Variants in ARHGEF33 observed in about 807,000 individuals in gnomAD.
ARHGEF33 encodes the protein Rho guanine nucleotide exchange factor 33, also known as DH and coiled-coil domain-containing protein ENSP00000381780.
A neutral mutation model predicts 101.9 loss-of-function variants in ARHGEF33; 72 were observed. The observed-to-expected ratio is 0.71, with a 90% CI of 0.58 to 0.86. The LOEUF is 0.86. ARHGEF33 is among the 40% of genes least tolerant of loss of function. The pLI, the probability that ARHGEF33 is intolerant of heterozygous loss-of-function variation, is 0.00. For missense variants in ARHGEF33, 1,169 were observed against 1,111.3 expected (o/e 1.05, Z -0.74); for synonymous variants, 499 against 442.5 (o/e 1.13, Z -1.60).
chr2:38,963,331 C>T (rs1479972563), intron 16 of ARHGEF33, among the ~76,000 whole-genome samples: 1 of 152,190 alleles, frequency 6.6e-6, no homozygotes, highest in Non-Finnish European at 1.5e-5. Flanking sequence ...CCCAGCCCAG[C>T]AGAGCTAGCC....
chr2:38,940,099 T>C (rs568093253), intron 9 of ARHGEF33, among the ~76,000 whole-genome samples: 1 of 152,332 alleles, frequency 6.6e-6, no homozygotes, highest in East Asian at 1.9e-4. Flanking sequence ...CAAGTGGTCT[T>C]ATATGGGTAT....
At chr2:38,958,818 A>G (rs887309925) in intron 15 of ARHGEF33, among the ~76,000 whole-genome samples, 4 of 152,128 alleles carry the variant, frequency 2.6e-5, no homozygotes, top group Admixed American at 1.3e-4. Context: ...ACTAGCTGGG[A>G]TTACAGGCAC....
intron 16 of ARHGEF33, 43 bp downstream of exon 16, chr2:38,960,691 A>T: frequency 1.5e-6 from 2 of 1,307,346 alleles, no homozygotes; most frequent in Admixed American, 3.1e-5. Context: ...CGACGGCCCC[A>T]GGCCTAGATC....
chr2:38,935,834 G>A lies in ARHGEF33; in HGVS notation c.565G>A (p.Gly189Arg). The A allele has an allele frequency of 6.5e-7, 1 of 1,549,188 alleles. No homozygotes were observed. Among genetic ancestry groups the A allele is most frequent in the Non-Finnish European group, 8.7e-7 (1 of 1,144,544 alleles). ...TAATGTAAAAGGAATGATGGGTCCTGGTAAGTGACTCTTCTCTTAGTTTTC... is the reference window on the plus strand; with the variant it reads ...TAATGTAAAAGGAATGATGGGTCCTAGTAAGTGACTCTTCTCTTAGTTTTC... Reference protein sequence around the residue: ...DSNVKGMMGPGVNPTTPEAEE... With the variant: ...DSNVKGMMGPRVNPTTPEAEE... Residue 189 changes from glycine (G) to arginine (R), a missense_variant and splice_region_variant, in exon 8 of 18, where the codon GGA becomes AGA. Transcript: ENST00000409978.
At chr2:38,959,699 C>G (rs779294187) in intron 15 of ARHGEF33, 142 bp from the exon 16 acceptor site, 1 of 899,238 alleles carries the variant, frequency 1.1e-6, no homozygotes, top group Non-Finnish European at 1.6e-6. Flanking sequence ...TTCGTGGGAG[C>G]GCCTTAGTGG....
intron 2 of ARHGEF33, among the ~76,000 whole-genome samples, chr2:38,902,399 T>C (rs1185226990): frequency 6.6e-6 from 1 of 152,180 alleles, no homozygotes; most frequent in East Asian, 1.9e-4. Flanking sequence ...AATCACCATA[T>C]GTATATAAGA....
intron 3 of ARHGEF33, among the ~76,000 whole-genome samples, 171 bp downstream of exon 3, chr2:38,919,643 C>G (rs1666712742): frequency 6.6e-6 from 1 of 152,098 alleles, no homozygotes; most frequent in African/African-American, 2.4e-5. Context: ...ATAGGAAATG[C>G]TATTAGAATT....
chr2:38,963,275 A>G (rs1285822007), intron 16 of ARHGEF33, among the ~76,000 whole-genome samples: 2 of 152,342 alleles, frequency 1.3e-5, no homozygotes, highest in East Asian at 3.9e-4. Context: ...TGAGATGTGC[A>G]AAACTCCTAG....
chr2:38,937,946 C>T (rs1206027460), intron 9 of ARHGEF33, among the ~76,000 whole-genome samples: 1 of 152,150 alleles, frequency 6.6e-6, no homozygotes, highest in African/African-American at 2.4e-5. Flanking sequence ...CTCCTTTTTC[C>T]CTCCCTCCTT....
rs1345779945 is a variant in ARHGEF33, at chr2:38,959,947, C to G, written c.1642C>G (p.Arg548Gly). The change falls in exon 16 of 18, where the codon CGG becomes GGG. Residue 548 changes from arginine (R) to glycine (G), a missense_variant. Transcript: ENST00000409978. ...DWELEGRKHE[R>G]PESLLAPTQF... ...GGAGCTGGAGGGCAGGAAGCACGAG[C>G]GGCCCGAGAGCCTTCTGGCACCGAC... is the stretch of plus-strand genomic sequence containing the variant. 2 of 1,551,544 alleles carry G rather than the reference C, an allele frequency of 1.3e-6. No homozygotes were observed. Among genetic ancestry groups the G allele is most frequent in the Non-Finnish European group, 1.7e-6 (2 of 1,146,894 alleles).
At chr2:38,890,590 A>T (rs908963891) in intron 1 of ARHGEF33, among the ~76,000 whole-genome samples, 1 of 152,224 alleles carries the variant, frequency 6.6e-6, no homozygotes, top group African/African-American at 2.4e-5. Flanking sequence ...AGTTTCACTT[A>T]AACATTGTCT....
intron 15 of ARHGEF33, 74 bp from the exon 16 acceptor site, chr2:38,959,767 G>C (rs557431429): frequency 9.7e-4 from 1,395 of 1,433,238 alleles, no homozygotes; most frequent in Non-Finnish European, 1.2e-3. Context: ...GGCCCCGAGG[G>C]GCGCCGGCAG....
In ARHGEF33 at chr2:38,919,443, G is replaced by T; in HGVS notation, c.-5G>T. ...ATAAGCTGGAGAAGAGAAGTAACCG[G>T]CACTATGGAAAAAACCAAAACAAAG... is the stretch of plus-strand genomic sequence containing the variant. On this transcript the variant is annotated 5_prime_UTR_variant, in exon 3 of 18. Transcript: ENST00000409978. The T allele has an allele frequency of 6.4e-7, 1 of 1,551,830 alleles. No homozygotes were observed. Among genetic ancestry groups the T allele is most frequent in the Non-Finnish European group, 8.7e-7 (1 of 1,146,956 alleles).
chr2:38,890,873 A>G (rs994590096), intron 1 of ARHGEF33, among the ~76,000 whole-genome samples: 3 of 152,106 alleles, frequency 2.0e-5, no homozygotes, highest in African/African-American at 7.2e-5. Flanking sequence ...TGAATTAATT[A>G]ATGTCTACAT....
chr2:38,915,473 C>T (rs1166832863), intron 2 of ARHGEF33, among the ~76,000 whole-genome samples: 1 of 150,060 alleles, frequency 6.7e-6, no homozygotes, highest in Non-Finnish European at 1.5e-5. Context: ...CAATCTCTGC[C>T]TCCCGGGTTC....
intron 2 of ARHGEF33, among the ~76,000 whole-genome samples, chr2:38,896,140 C>CGTTTT (rs1171684874): frequency 9.2e-5 from 14 of 151,982 alleles, no homozygotes; most frequent in South Asian, 4.1e-4. Flanking sequence ...TTTGTTTGTT[C>CGTTTT]GTTTTGTTTT....
intron 12 of ARHGEF33, among the ~76,000 whole-genome samples, 162 bp downstream of exon 12, chr2:38,953,407 T>A (rs1667661348): frequency 6.6e-6 from 1 of 152,226 alleles, no homozygotes; most frequent in Non-Finnish European, 1.5e-5. Flanking sequence ...GGAACTCACT[T>A]GAGGATCAGT....
Position 38,937,324 on chromosome 2 carries a change from C to T in ARHGEF33, c.566-11C>T, listed in dbSNP as rs72916841. The T allele has an allele frequency of 2.4e-6, 1 of 424,348 alleles. No homozygotes were observed. Among genetic ancestry groups the T allele is most frequent in the Non-Finnish European group, 4.1e-6 (1 of 241,286 alleles). The allele number at this position is 424,348 out of a possible 1,614,324, so 26.3% of individuals were successfully genotyped here. A position where few individuals can be genotyped will look rare whatever the true frequency, so the allele number is the denominator to read the frequency against. On this transcript the variant is annotated splice_polypyrimidine_tract_variant and intron_variant, in intron 8 of 17. Transcript: ENST00000409978. ...TTCTTTGTTTCCCCGCCCCTCCCCC[C>T]ACCCCACCAGGAGTGAACCCAACAA... is the stretch of plus-strand genomic sequence containing the variant.
chr2:38,953,717 C>T (rs896685982), intron 12 of ARHGEF33, among the ~76,000 whole-genome samples: 2 of 152,164 alleles, frequency 1.3e-5, no homozygotes, highest in South Asian at 4.2e-4. Context: ...AACTTAGTTA[C>T]TTCAGATCAA....
Sources: gnomAD v4.1 joint callset for allele counts (sites outside exome capture counted in the v4.1 genomes callset) on GRCh38, gnomAD v4.1.1 for gene constraint, MANE v1.5 for transcripts, NCBI Gene and HGNC (gene_info 2026-07-23, HGNC 2026-07-21) for gene names.